NSRP1: variants seen among roughly 807,000 people sequenced by gnomAD.
NSRP1 encodes nuclear speckle splicing regulatory protein 1, also known as coiled-coil domain containing 55.
In NSRP1, 24 loss-of-function variants were observed where a neutral mutation model predicts 54.7. The ratio of observed to expected loss-of-function variants is 0.44; its 90% CI spans 0.32 to 0.62. The LOEUF is 0.62. NSRP1 is among the 20% of genes least tolerant of loss of function. NSRP1 has a pLI of 0.06. For missense variants in NSRP1, 596 were observed against 651.2 expected (o/e 0.92, Z 0.92); for synonymous variants, 210 against 213.8 (o/e 0.98, Z 0.15).
At chr17:30,151,303 G>T (rs1019533203) in intron 2 of NSRP1, among the ~76,000 whole-genome samples, 1 of 152,028 alleles carries the variant, frequency 6.6e-6, no homozygotes, top group Non-Finnish European at 1.5e-5. Context: ...ACGATAGGGG[G>T]GTTAGAGCTA....
At chr17:30,131,448 C>G (rs2071698855) in intron 2 of NSRP1, among the ~76,000 whole-genome samples, 1 of 152,030 alleles carries the variant, frequency 6.6e-6, no homozygotes, top group South Asian at 2.1e-4. Flanking sequence ...AAGTAAATAT[C>G]TCAGTAAAGC....
At chr17:30,135,464 G>C (rs1161654178) in intron 2 of NSRP1, among the ~76,000 whole-genome samples, 2 of 150,030 alleles carry the variant, frequency 1.3e-5, no homozygotes, top group Admixed American at 1.3e-4. Flanking sequence ...GTTGGCACCA[G>C]TTTTTTGTTT....
intron 2 of NSRP1, among the ~76,000 whole-genome samples, chr17:30,153,388 G>T (rs986293119): frequency 3.3e-5 from 5 of 151,966 alleles, no homozygotes; most frequent in African/African-American, 1.2e-4. Flanking sequence ...TTGTGTTTCA[G>T]TTAAAATTTT....
intron 2 of NSRP1, among the ~76,000 whole-genome samples, chr17:30,149,102 A>G (rs915348930): frequency 1.3e-5 from 2 of 152,060 alleles, no homozygotes; most frequent in Non-Finnish European, 2.9e-5. Flanking sequence ...ATATTTTGTA[A>G]TTTCCTTTAT....
rs548685049 is a variant in NSRP1, at chr17:30,117,407, T to C, written c.20+544T>C. ...CTGTACGTACTTGAAAGTTTTACCT[T>C]TGATGTGTAATCCTTACTTTTGATG... On this transcript the variant is annotated intron_variant, in intron 1 of 6. Coordinates refer to ENST00000247026, the MANE Select transcript of NSRP1 (RefSeq NM_032141.4). 2.0e-5 allele frequency: 9 copies of C among 460,750 alleles called. No individual in the cohort carries two copies. In the South Asian group the frequency reaches 3.7e-4, roughly 19 times the overall value. The allele number at this position is 460,750 out of a possible 1,614,324, so 28.5% of individuals were successfully genotyped here.
intron 2 of NSRP1, among the ~76,000 whole-genome samples, chr17:30,159,097 G>A (rs1904420015): frequency 6.6e-6 from 1 of 152,124 alleles, no homozygotes; most frequent in African/African-American, 2.4e-5. Flanking sequence ...CCATGAACAT[G>A]GGATGTCTTT....
chr17:30,183,231 A>T (rs72827906), intron 6 of NSRP1, among the ~76,000 whole-genome samples: 71 of 150,856 alleles, frequency 4.7e-4, no homozygotes, highest in Non-Finnish European at 4.6e-4. Flanking sequence ...AAAAAAAAAA[A>T]TTTTTTTTAA....
chr17:30,145,919 GGC>G (rs1400490774), intron 2 of NSRP1, among the ~76,000 whole-genome samples: 3 of 152,164 alleles, frequency 2.0e-5, no homozygotes, highest in African/African-American at 7.2e-5. Context: ...GCATGACCAT[GGC>G]TCACTGCAGC....
At chr17:30,123,572 A>G (rs1341096238) in intron 2 of NSRP1, among the ~76,000 whole-genome samples, 11 of 152,140 alleles carry the variant, frequency 7.2e-5, no homozygotes, top group Non-Finnish European at 1.6e-4. Flanking sequence ...AGTTGTTTTG[A>G]GGAAATACAT....
At chr17:30,142,630 A>G (rs753046467) in intron 2 of NSRP1, among the ~76,000 whole-genome samples, 5 of 152,146 alleles carry the variant, frequency 3.3e-5, no homozygotes, top group Admixed American at 2.0e-4. Context: ...TATTAGAAAT[A>G]GTGTATCTTA....
At chr17:30,151,324 T>C (rs2071907509) in intron 2 of NSRP1, among the ~76,000 whole-genome samples, 1 of 152,146 alleles carries the variant, frequency 6.6e-6, no homozygotes. Flanking sequence ...CCAACACCCG[T>C]GCAGCTGAAA....
chr17:30,171,366 C>T (rs1904926811), intron 2 of NSRP1, among the ~76,000 whole-genome samples: 1 of 145,398 alleles, frequency 6.9e-6, no homozygotes, highest in Non-Finnish European at 1.5e-5. Flanking sequence ...AGTGCAGTGG[C>T]ACAATTTTGG....
intron 2 of NSRP1, among the ~76,000 whole-genome samples, chr17:30,136,245 A>T (rs1445379720): frequency 6.6e-6 from 1 of 152,170 alleles, no homozygotes; most frequent in Non-Finnish European, 1.5e-5. Flanking sequence ...ACTGACATAA[A>T]ATGGCTCATT....
At chr17:30,181,884 A>G (rs1360241675) in intron 6 of NSRP1, among the ~76,000 whole-genome samples, 3 of 151,860 alleles carry the variant, frequency 2.0e-5, no homozygotes, top group Non-Finnish European at 2.9e-5. Context: ...TACTGGGATT[A>G]TATGCATGAG....
At chr17:30,139,423 G>A (rs1301688662) in intron 2 of NSRP1, among the ~76,000 whole-genome samples, 1 of 152,002 alleles carries the variant, frequency 6.6e-6, no homozygotes, top group East Asian at 1.9e-4. Flanking sequence ...TGCTTTTGGT[G>A]TCATATCTAA....
Position 30,133,006 on chromosome 17 carries a change from C to T in NSRP1, c.114+14833C>T, listed in dbSNP as rs914795458. ...TCTGGCTGGAGTGCAGTGGTGCGAT[C>T]TTGGTTCACTGCAACCTCTGTCGCC... is the stretch of plus-strand genomic sequence containing the variant. On this transcript the variant is annotated intron_variant, in intron 2 of 6. Transcript: ENST00000247026. 3.3e-5 allele frequency among the ~76,000 whole-genome samples: 5 copies of T among 152,188 alleles called. No individual in the cohort carries two copies. The East Asian group carries it at 7.7e-4, about 24-fold the overall frequency.
chr17:30,154,797 G>A (rs2071946064), intron 2 of NSRP1, among the ~76,000 whole-genome samples: 1 of 152,070 alleles, frequency 6.6e-6, no homozygotes, highest in African/African-American at 2.4e-5. Flanking sequence ...TTCAGATTTG[G>A]GAATATTTGT....
chr17:30,117,024 C>G (rs1238794323), intron 1 of NSRP1, 161 bp downstream of exon 1: 4 of 950,522 alleles, frequency 4.2e-6, no homozygotes, highest in Non-Finnish European at 5.0e-6. Context: ...ATTCCCCTCC[C>G]CCGTACATTT....
intron 2 of NSRP1, chr17:30,168,693 A>G (rs1417728069): frequency 6.6e-6 from 1 of 151,220 alleles, no homozygotes; most frequent in Non-Finnish European, 1.5e-5. Context: ...ATCTGAATCT[A>G]GATGAGTTTT....
Sources: allele counts gnomAD v4.1 joint callset (sites outside exome capture counted in the v4.1 genomes callset), GRCh38; gene constraint gnomAD v4.1.1; transcripts MANE v1.5; gene names NCBI Gene and HGNC (gene_info 2026-07-23, HGNC 2026-07-21).